Variants in SPECC1L observed in about 807,000 individuals in gnomAD.
SPECC1L encodes the protein sperm antigen with calponin homology and coiled-coil domains 1 like.
SPECC1L carries 40 observed loss-of-function variants against 116.8 expected under a neutral mutation model. The observed-to-expected ratio is 0.34, with a 90% CI of 0.27 to 0.45. The LOEUF (loss-of-function observed/expected upper bound fraction) is 0.45, where lower values mean the gene tolerates loss of function less well. Among genes scored for constraint, SPECC1L ranks in the 20% least tolerant of loss-of-function variants. The pLI, the probability that SPECC1L is intolerant of heterozygous loss-of-function variation, is 1.00. For missense variants in SPECC1L, 1,110 were observed against 1,373.6 expected (o/e 0.81, Z 3.03); for synonymous variants, 504 against 500.6 (o/e 1.01, Z -0.09).
At chr22:24,377,781 G>GTT (rs1335269781) in intron 14 of SPECC1L, among the ~76,000 whole-genome samples, 1 of 152,214 alleles carries the variant, frequency 6.6e-6, no homozygotes, top group East Asian at 1.9e-4. Flanking sequence ...GAAAGGAACA[G>GTT]TGGGCTTAAA....
At chr22:24,376,747 A>G (rs1039349227) in intron 14 of SPECC1L, among the ~76,000 whole-genome samples, 1 of 152,160 alleles carries the variant, frequency 6.6e-6, no homozygotes, top group Non-Finnish European at 1.5e-5. Flanking sequence ...AGGAACGTGA[A>G]TACTGGCAGT....
intron 13 of SPECC1L, among the ~76,000 whole-genome samples, chr22:24,367,675 A>T (rs2041797164): frequency 6.6e-6 from 1 of 152,192 alleles, no homozygotes; most frequent in Admixed American, 6.5e-5. Flanking sequence ...GAGCAATAAA[A>T]ATTGGTACTA....
At chr22:24,348,908 G>A (rs896352261) in intron 11 of SPECC1L, among the ~76,000 whole-genome samples, 3 of 152,204 alleles carry the variant, frequency 2.0e-5, no homozygotes, top group Non-Finnish European at 4.4e-5. Flanking sequence ...GATGTGACCC[G>A]TCAGCAGCAT....
rs372465487 is a variant in SPECC1L, at chr22:24,345,257, G to T, written c.2653-1829G>T. Among the ~76,000 whole-genome samples, 3 of 151,936 alleles carry T rather than the reference G, an allele frequency of 2.0e-5. No individual in the cohort carries two copies. In the East Asian group the frequency reaches 5.8e-4, roughly 29 times the overall value. ...AAGATTCTGAAATGACTAGATAACT[G>T]TATAGAAAAAAAAATAACCTCAGCC... On this transcript the variant is annotated intron_variant, in intron 10 of 16. Transcript: ENST00000314328.
At chr22:24,376,911 G>T (rs559786106) in intron 14 of SPECC1L, among the ~76,000 whole-genome samples, 47 of 142,612 alleles carry the variant, frequency 3.3e-4, no homozygotes, top group Middle Eastern at 7.0e-3. Context: ...GTGGGTTTTT[G>T]TTTTTTTTTT....
intron 14 of SPECC1L, among the ~76,000 whole-genome samples, chr22:24,373,874 C>T (rs893546206): frequency 6.6e-6 from 1 of 152,058 alleles, no homozygotes; most frequent in African/African-American, 2.4e-5. Context: ...GCAATCTACT[C>T]ATGTGACAAA....
At chr22:24,359,275 A>G (rs1245228459) in intron 11 of SPECC1L, among the ~76,000 whole-genome samples, 4 of 152,052 alleles carry the variant, frequency 2.6e-5, no homozygotes, top group South Asian at 2.1e-4. Context: ...AGTAACCTCC[A>G]TGTCACCGAG....
In SPECC1L at chr22:24,414,701, C is replaced by T. The variant is rs2042770527; in HGVS notation, c.*78C>T. On this transcript the variant is annotated 3_prime_UTR_variant, in exon 17 of 17. Transcript: ENST00000314328. ...AGCGACACCGACGCCATTAGCTACG[C>T]ACCCCTGTAAAGCTTCCAGCAACTC... 1 of 1,277,342 alleles carries T rather than the reference C, an allele frequency of 7.8e-7. No homozygotes were observed. Among genetic ancestry groups the T allele is most frequent in the African/African-American group, 1.5e-5 (1 of 68,700 alleles). 79.1% of individuals were successfully genotyped at this position (1,277,342 alleles called of 1,614,324 possible).
At chr22:24,406,663 G>A (rs1162079193) in intron 14 of SPECC1L, among the ~76,000 whole-genome samples, 1 of 152,186 alleles carries the variant, frequency 6.6e-6, no homozygotes, top group African/African-American at 2.4e-5. Flanking sequence ...GAGTGAGGAA[G>A]GGAGAAGCCA....
chr22:24,403,447 GA>G (rs2042520732), intron 14 of SPECC1L, among the ~76,000 whole-genome samples: 1 of 152,138 alleles, frequency 6.6e-6, no homozygotes, highest in Non-Finnish European at 1.5e-5. Context: ...CATTGCCTGT[GA>G]ATAGTGAACA....
At chr22:24,284,592 A>G (rs204717) in intron 2 of SPECC1L, among the ~76,000 whole-genome samples, 151,954 of 152,114 alleles carry the variant, frequency 1, 75,898 homozygotes, top group Non-Finnish European at 1. Flanking sequence ...CCACTACCAC[A>G]TCCGGCTAAT....
chr22:24,366,002 A>G (rs2041756900), intron 13 of SPECC1L, among the ~76,000 whole-genome samples: 1 of 151,970 alleles, frequency 6.6e-6, no homozygotes, highest in South Asian at 2.1e-4. Flanking sequence ...GGGGGGCATG[A>G]TTGGCAAGGT....
At chr22:24,391,811 T>C (rs568841340) in intron 14 of SPECC1L, among the ~76,000 whole-genome samples, 1 of 152,182 alleles carries the variant, frequency 6.6e-6, no homozygotes, top group Admixed American at 6.5e-5. Context: ...CTCAAGGTTT[T>C]GTTCCTTTTT....
At chr22:24,296,503 A>G (rs1260164622) in intron 2 of SPECC1L, among the ~76,000 whole-genome samples, 46 of 152,336 alleles carry the variant, frequency 3.0e-4, no homozygotes, top group African/African-American at 1.0e-3. Context: ...TATTCCCCCA[A>G]ACCTTGACTT....
rs532033236 is a variant in SPECC1L, at chr22:24,284,950, A to T, written c.-38+8147A>T. 5.9e-5 allele frequency among the ~76,000 whole-genome samples: 9 copies of T among 152,330 alleles called. No individual in the cohort carries two copies. In the East Asian group the frequency reaches 1.3e-3, roughly 23 times the overall value. Reference sequence around the variant, plus strand: ...AGGGAGAGACACATAGTCACCAGGGACAATCAAAGGAAAAGTAAGTGTAAT... The same window carrying T: ...AGGGAGAGACACATAGTCACCAGGGTCAATCAAAGGAAAAGTAAGTGTAAT... On this transcript the variant is annotated intron_variant, in intron 2 of 16. Transcript: ENST00000314328.
chr22:24,407,492 C>T (rs1331475306), intron 14 of SPECC1L, among the ~76,000 whole-genome samples: 5 of 152,302 alleles, frequency 3.3e-5, no homozygotes, highest in East Asian at 1.9e-4. Flanking sequence ...AGGCCAGGCA[C>T]GTCCACGACC....
chr22:24,413,622 G>A (rs942604212), intron 16 of SPECC1L, among the ~76,000 whole-genome samples: 1 of 152,150 alleles, frequency 6.6e-6, no homozygotes, highest in Non-Finnish European at 1.5e-5. Context: ...TTTTTAGGGT[G>A]GCCTCTGTTC....
intron 12 of SPECC1L, among the ~76,000 whole-genome samples, chr22:24,363,992 C>T (rs2041697244): frequency 6.6e-6 from 1 of 152,130 alleles, no homozygotes; most frequent in South Asian, 2.1e-4. Context: ...TGACATGTAA[C>T]ATGGATTGCA....
rs1385118063 is a variant in SPECC1L at position 24,417,153 on chromosome 22, G to A, written c.*2530G>A. 2.6e-5 allele frequency: 4 copies of A among 152,512 alleles called. No homozygotes were observed. The highest frequency in any genetic ancestry group is 5.9e-5 in the Non-Finnish European group (4 of 68,040). 9.4% of individuals were successfully genotyped at this position (152,512 alleles called of 1,614,324 possible). On this transcript the variant is annotated 3_prime_UTR_variant, in exon 17 of 17. Transcript: ENST00000314328. Reference sequence around the variant, plus strand: ...GCTTTACTGCAAAAGGGCCAGTCGCGTTTCTATTTCTCTCGATCCCAGGCT... The same window carrying A: ...GCTTTACTGCAAAAGGGCCAGTCGCATTTCTATTTCTCTCGATCCCAGGCT...
Sources: allele counts gnomAD v4.1 joint callset (sites outside exome capture counted in the v4.1 genomes callset), GRCh38; gene constraint gnomAD v4.1.1; transcripts MANE v1.5; gene names NCBI Gene and HGNC (gene_info 2026-07-23, HGNC 2026-07-21).